WWP2: variants seen among roughly 807,000 people sequenced by gnomAD.
WWP2 encodes WW domain containing E3 ubiquitin protein ligase 2.
In WWP2, 57 loss-of-function variants were observed where a neutral mutation model predicts 121.0. That is an observed-to-expected ratio of 0.47 (90% CI 0.38 to 0.59). The LOEUF (loss-of-function observed/expected upper bound fraction) is 0.59, where lower values mean the gene tolerates loss of function less well. WWP2 is among the 20% of genes least tolerant of loss of function. WWP2 has a pLI of 0.00. For missense variants in WWP2, 962 were observed against 1,158.9 expected (o/e 0.83, Z 2.47); for synonymous variants, 449 against 441.3 (o/e 1.02, Z -0.22).
chr16:69,931,056 A>G, intron 13 of WWP2, 96 bp from the exon 14 acceptor site: 1 of 1,198,244 alleles, frequency 8.3e-7, no homozygotes. Context: ...TAATCTTTAA[A>G]TTAACATAGC....
chr16:69,767,011 C>G (rs917416454), intron 1 of WWP2, among the ~76,000 whole-genome samples: 1 of 151,750 alleles, frequency 6.6e-6, no homozygotes, highest in Non-Finnish European at 1.5e-5. Flanking sequence ...GCCTCGGCCT[C>G]CCAAAGTACT....
intron 9 of WWP2, among the ~76,000 whole-genome samples, chr16:69,913,292 C>T (rs2151968014): frequency 6.6e-6 from 1 of 151,232 alleles, no homozygotes; most frequent in Middle Eastern, 3.4e-3. Flanking sequence ...CTCGGCCTCC[C>T]AAAGTGGTGG....
At chr16:69,858,117 T>TA (rs537242054) in intron 6 of WWP2, among the ~76,000 whole-genome samples, 3,851 of 145,774 alleles carry the variant, frequency 0.026, 146 homozygotes, top group African/African-American at 0.088. Flanking sequence ...TTAGAACCAG[T>TA]AAAAAAAAAA....
At chr16:69,872,555 G>A (rs1457815235) in intron 7 of WWP2, among the ~76,000 whole-genome samples, 1 of 152,174 alleles carries the variant, frequency 6.6e-6, no homozygotes, top group East Asian at 1.9e-4. Flanking sequence ...TCATGTTGGG[G>A]AGGATATCTC....
chr16:69,784,010 G>A (rs568879098), intron 1 of WWP2, among the ~76,000 whole-genome samples: 1 of 151,644 alleles, frequency 6.6e-6, no homozygotes, highest in South Asian at 2.1e-4. Flanking sequence ...TCTCAAGTGT[G>A]GTCCTCAGAC....
chr16:69,911,622 G>T (rs576651720), intron 9 of WWP2, among the ~76,000 whole-genome samples: 6 of 152,186 alleles, frequency 3.9e-5, no homozygotes, highest in Non-Finnish European at 8.8e-5. Flanking sequence ...TCCAGTCACT[G>T]TTCTGTGCAA....
intron 4 of WWP2, among the ~76,000 whole-genome samples, chr16:69,835,571 C>A (rs2056861658): frequency 6.6e-6 from 1 of 152,072 alleles, no homozygotes; most frequent in South Asian, 2.1e-4. Flanking sequence ...ATTTCTGGCT[C>A]TTGTTAACAT....
At chr16:69,843,285 G>T (rs575122291) in intron 6 of WWP2, among the ~76,000 whole-genome samples, 3 of 151,938 alleles carry the variant, frequency 2.0e-5, no homozygotes, top group East Asian at 3.9e-4. Flanking sequence ...CTTGTTATAC[G>T]TATTACAAAT....
chr16:69,898,270 T>C (rs770636562), intron 8 of WWP2, among the ~76,000 whole-genome samples: 5 of 152,094 alleles, frequency 3.3e-5, no homozygotes, highest in Non-Finnish European at 7.4e-5. Context: ...TCAGGTGATC[T>C]GCCCACCTCG....
In WWP2 at chr16:69,809,763, C is replaced by A. The variant is rs192780214; in HGVS notation, c.340+10468C>A. Among the ~76,000 whole-genome samples, 110 of 148,428 alleles carry A rather than the reference C, an allele frequency of 7.4e-4. 1 individual carries two copies. The East Asian group carries it at 0.018, about 24-fold the overall frequency. ...AGCCTGGGTGACAAGAGTGAAACTC[C>A]GTCAGAAAGAGAAAGAGAGAGAGAG... On this transcript the variant is annotated intron_variant, in intron 4 of 23. Transcript: ENST00000359154.
At chr16:69,791,460 TCAGGTGATC>T (rs985259080) in intron 2 of WWP2, among the ~76,000 whole-genome samples, 1 of 152,166 alleles carries the variant, frequency 6.6e-6, no homozygotes, top group Non-Finnish European at 1.5e-5. Context: ...ACTCCTGACC[TCAGGTGATC>T]CACCCACCTC....
At chr16:69,811,831 A>G (rs184969614) in intron 4 of WWP2, among the ~76,000 whole-genome samples, 231 of 152,268 alleles carry the variant, frequency 1.5e-3, no homozygotes, top group Middle Eastern at 6.8e-3. Flanking sequence ...CCTTCACCCA[A>G]CTGTTAAAAT....
At chr16:69,802,329 A>G (rs572308294) in intron 4 of WWP2, among the ~76,000 whole-genome samples, 1 of 152,288 alleles carries the variant, frequency 6.6e-6, no homozygotes, top group African/African-American at 2.4e-5. Flanking sequence ...TTCACCTTGT[A>G]CAACCATCAC....
chr16:69,789,315 C>T (rs369344773), intron 2 of WWP2, among the ~76,000 whole-genome samples: 7 of 152,000 alleles, frequency 4.6e-5, no homozygotes, highest in Non-Finnish European at 1.0e-4. Flanking sequence ...CTGTAACCTC[C>T]GCCTCCCGGG....
chr16:69,935,756 G>T lies in WWP2; in HGVS notation c.1843-97G>T. The T allele has an allele frequency of 6.6e-7, 1 of 1,506,952 alleles. No individual in the cohort carries two copies. Among genetic ancestry groups the T allele is most frequent in the Non-Finnish European group, 8.9e-7 (1 of 1,124,164 alleles). The allele number at this position is 1,506,952 out of a possible 1,614,324, so 93.3% of individuals were successfully genotyped here. ...GTAGTTCTGTCAGGGAAGGAAGGCG[G>T]GTAGCGGTAGCAGAGTTTGATACCG... On this transcript the variant is annotated intron_variant, in intron 17 of 23. Coordinates refer to ENST00000359154, the MANE Select transcript of WWP2 (RefSeq NM_001270454.2). The surrounding 1 kb of genome is among the most constrained non-coding windows in gnomAD (Gnocchi z 5.2).
chr16:69,936,656 C>A, intron 19 of WWP2: 1 of 690,760 alleles, frequency 1.4e-6, no homozygotes, highest in Non-Finnish European at 2.4e-6. Flanking sequence ...CGACTCCCAG[C>A]TGTGCTTTTT....
At chr16:69,775,314 C>A (rs2055501952) in intron 1 of WWP2, among the ~76,000 whole-genome samples, 1 of 152,086 alleles carries the variant, frequency 6.6e-6, no homozygotes, top group Non-Finnish European at 1.5e-5. Flanking sequence ...GGCTTTATGA[C>A]CTGCTTTATG....
At chr16:69,934,242 A>G in intron 17 of WWP2, 113 bp downstream of exon 17, 2 of 1,364,700 alleles carry the variant, frequency 1.5e-6, no homozygotes, top group South Asian at 2.7e-5. Context: ...TGAGACCTCC[A>G]GGAAGGGGCA....
At chr16:69,836,903 G>C (rs1460916186) in intron 4 of WWP2, among the ~76,000 whole-genome samples, 7 of 152,088 alleles carry the variant, frequency 4.6e-5, no homozygotes, top group Non-Finnish European at 1.0e-4. Context: ...TGGGATTACA[G>C]GCATGAGCCA....
Sources: allele counts gnomAD v4.1 joint callset (sites outside exome capture counted in the v4.1 genomes callset), GRCh38; gene constraint gnomAD v4.1.1; non-coding constraint Gnocchi (gnomAD v3.1); transcripts MANE v1.5; gene names NCBI Gene and HGNC (gene_info 2026-07-23, HGNC 2026-07-21).